The following FSIP1 variants were observed in gnomAD, a reference collection of about 807,000 sequenced individuals.
The protein encoded by FSIP1 is fibrous sheath interacting protein 1.
In FSIP1, 65 loss-of-function variants were observed where a neutral mutation model predicts 60.9. The ratio of observed to expected loss-of-function variants is 1.07; its 90% confidence interval spans 0.87 to 1.31. The LOEUF (loss-of-function observed/expected upper bound fraction) is 1.31. Among genes scored for constraint, FSIP1 ranks in the 40% most tolerant of loss-of-function variants. The probability of loss-of-function intolerance (pLI) is 0.00; values close to 1 mark genes in which losing one functional copy is unlikely to be tolerated. For synonymous variants in FSIP1, 209 were observed against 221.2 expected (o/e 0.94, Z 0.49); for missense variants, 675 against 665.5 (o/e 1.01, Z -0.16).
At chr15:39,777,972 C>T (rs16969823) in intron 1 of FSIP1, among the ~76,000 whole-genome samples, 13,641 of 152,154 alleles carry the variant, frequency 0.09, 721 homozygotes, top group African/African-American at 0.12. Flanking sequence ...GTACACAGAG[C>T]GATGTTACGG....
chr15:39,612,360 C>T (rs1891066802), intron 11 of FSIP1, among the ~76,000 whole-genome samples: 1 of 151,842 alleles, frequency 6.6e-6, no homozygotes, highest in Admixed American at 6.6e-5. Context: ...GGTGAATTCA[C>T]AAATATGTGG....
rs16969697 is a variant in FSIP1, at chr15:39,719,002, C to A, written c.1051-5421G>T. 5.9e-3 allele frequency among the ~76,000 whole-genome samples: 894 copies of A among 152,276 alleles called. 7 individuals are homozygous for A. The highest frequency in any genetic ancestry group is 0.02 in the African/African-American group (842 of 41,534). ...TCTAATAGCTTATGAGTCTATAATT[C>A]TCTACAGTTAGACCCAAAGGATATA... On this transcript the variant is annotated intron_variant, in intron 9 of 11. Transcript: ENST00000350221.
At chr15:39,605,934 G>C (rs965704427) in intron 11 of FSIP1, among the ~76,000 whole-genome samples, 1 of 152,180 alleles carries the variant, frequency 6.6e-6, no homozygotes, top group African/African-American at 2.4e-5. Flanking sequence ...ACTTACCTAA[G>C]ATCTCCATCT....
chr15:39,625,705 G>A (rs999616619), intron 10 of FSIP1, among the ~76,000 whole-genome samples: 2 of 152,140 alleles, frequency 1.3e-5, no homozygotes, highest in African/African-American at 4.8e-5. Context: ...ACAGCTGGAG[G>A]GGGCCTGGCA....
intron 10 of FSIP1, among the ~76,000 whole-genome samples, chr15:39,683,581 A>G (rs569661118): frequency 1.5e-4 from 23 of 152,346 alleles, no homozygotes; most frequent in African/African-American, 5.5e-4. Context: ...AATGCAAGAA[A>G]AAAACTCAAG....
chr15:39,711,599 C>T (rs1038183045), intron 10 of FSIP1, among the ~76,000 whole-genome samples: 1 of 151,124 alleles, frequency 6.6e-6, no homozygotes, highest in African/African-American at 2.4e-5. Context: ...TTTATCACAT[C>T]GAATTCACAA....
chr15:39,749,262 C>CAAAAAAAAAAAAAAAAAAAA, intron 5 of FSIP1, among the ~76,000 whole-genome samples: 2 of 33,300 alleles, frequency 6.0e-5, no homozygotes, highest in Admixed American at 2.5e-4. Flanking sequence ...TTAAACTCTT[C>CAAAAAAAAAAAAAAAAAAAA]CAAAAAAAAA....
chr15:39,641,260 A>G (rs1892357474), intron 10 of FSIP1, among the ~76,000 whole-genome samples: 1 of 152,188 alleles, frequency 6.6e-6, no homozygotes, highest in Non-Finnish European at 1.5e-5. Context: ...CATTCTCCAG[A>G]GAGAGGAAAG....
chr15:39,693,738 A>G (rs753813934), intron 10 of FSIP1, among the ~76,000 whole-genome samples: 3 of 152,200 alleles, frequency 2.0e-5, no homozygotes, highest in Non-Finnish European at 4.4e-5. Context: ...TAATCAAATA[A>G]TAGTGATAGA....
At chr15:39,668,898 T>C (rs980816443) in intron 10 of FSIP1, among the ~76,000 whole-genome samples, 1 of 152,232 alleles carries the variant, frequency 6.6e-6, no homozygotes, top group African/African-American at 2.4e-5. Context: ...GGTTATTCTT[T>C]CTAGTGTGGC....
intron 8 of FSIP1, among the ~76,000 whole-genome samples, chr15:39,735,722 CTT>C (rs1339692635): frequency 2.0e-5 from 3 of 152,072 alleles, no homozygotes; most frequent in Non-Finnish European, 4.4e-5. Context: ...TTTTCGCTCT[CTT>C]ATAATAACAC....
intron 10 of FSIP1, among the ~76,000 whole-genome samples, chr15:39,621,495 C>A (rs1288255972): frequency 6.6e-6 from 1 of 152,220 alleles, no homozygotes; most frequent in Non-Finnish European, 1.5e-5. Flanking sequence ...GAGCATGTCA[C>A]CTGAGTTCTC....
At chr15:39,733,451 C>T (rs148393094) in intron 8 of FSIP1, among the ~76,000 whole-genome samples, 18 of 152,216 alleles carry the variant, frequency 1.2e-4, no homozygotes, top group African/African-American at 3.9e-4. Flanking sequence ...ATGACAAAAA[C>T]GATTAACATT....
At chr15:39,652,474 T>C (rs984669178) in intron 10 of FSIP1, among the ~76,000 whole-genome samples, 17 of 152,230 alleles carry the variant, frequency 1.1e-4, no homozygotes, top group Non-Finnish European at 1.6e-4. Context: ...CTAAGAGCTG[T>C]TGAAATAAAA....
intron 10 of FSIP1, among the ~76,000 whole-genome samples, chr15:39,657,610 C>G (rs536484238): frequency 1.3e-5 from 2 of 152,212 alleles, no homozygotes; most frequent in African/African-American, 2.4e-5. Context: ...AAATGTTACC[C>G]CACCATTCCT....
intron 10 of FSIP1, among the ~76,000 whole-genome samples, chr15:39,694,094 C>A (rs1410031356): frequency 6.6e-6 from 1 of 151,940 alleles, no homozygotes; most frequent in Non-Finnish European, 1.5e-5. Flanking sequence ...ACTGCAGTAA[C>A]AAGCACTTTG....
At chr15:39,625,912 CT>C (rs1258169897) in intron 10 of FSIP1, among the ~76,000 whole-genome samples, 1 of 152,214 alleles carries the variant, frequency 6.6e-6, no homozygotes, top group Non-Finnish European at 1.5e-5. Flanking sequence ...CTTGGCAAGA[CT>C]GTTTATTGGC....
chr15:39,773,758 C>T (rs566384175), intron 2 of FSIP1, among the ~76,000 whole-genome samples: 28 of 152,094 alleles, frequency 1.8e-4, no homozygotes, highest in African/African-American at 6.5e-4. Flanking sequence ...TAAAAGCCAG[C>T]GTGAAAAGCT....
At chr15:39,642,267 G>A (rs1566865309) in intron 10 of FSIP1, among the ~76,000 whole-genome samples, 6 of 152,280 alleles carry the variant, frequency 3.9e-5, no homozygotes, top group South Asian at 2.1e-4. Flanking sequence ...TAATGGGACC[G>A]AAGAGTCTTA....
Sources: gnomAD v4.1 joint callset for allele counts (sites outside exome capture counted in the v4.1 genomes callset) on GRCh38, gnomAD v4.1.1 for gene constraint, MANE v1.5 for transcripts, NCBI Gene and HGNC (gene_info 2026-07-23, HGNC 2026-07-21) for gene names.